The following CDH13 variants were observed in gnomAD, a reference collection of about 807,000 sequenced individuals.
CDH13 encodes the protein cadherin 13, also known as cadherin-13.
Under a neutral mutation model 63.8 loss-of-function variants are expected in CDH13, and 24 were observed. The ratio of observed to expected loss-of-function variants is 0.38; its 90% CI spans 0.27 to 0.53. CDH13 has a LOEUF of 0.53. Among genes scored for constraint, CDH13 ranks in the 20% least tolerant of loss-of-function variants. The pLI is 0.85. For missense variants in CDH13, 1,049 were observed against 903.1 expected, an observed-to-expected ratio of 1.16 and a Z score of -2.07; for synonymous variants, 503 against 355.3, an observed-to-expected ratio of 1.42 and a Z score of -4.67.
Position 82,936,035 on chromosome 16 carries a change from G to A in CDH13, c.157+77562G>A, listed in dbSNP as rs114652614. Among the ~76,000 whole-genome samples, 714 of 152,224 alleles carry A rather than the reference G, an allele frequency of 4.7e-3. 9 individuals are homozygous for A. The highest frequency in any genetic ancestry group is 0.016 in the African/African-American group (682 of 41,528). On this transcript the variant is annotated intron_variant, in intron 2 of 13. Transcript: ENST00000567109. ...TTTACACAGGGCATGGGCAAGGCTG[G>A]TCACCCCACCCTAATCTTATGCAAA...
At position 82,825,555 on chromosome 16, in the gene CDH13, T is replaced by C. The variant is rs564543889; in HGVS notation, c.46-32807T>C. 50 of 150,192 alleles carry C rather than the reference T, an allele frequency of 3.3e-4. No homozygotes were observed. In the East Asian group the frequency reaches 9.8e-3, roughly 30 times the overall value. 9.3% of individuals were successfully genotyped at this position (150,192 alleles called of 1,614,324 possible). A position where few individuals can be genotyped will look rare whatever the true frequency, so the allele number is the denominator to read the frequency against. On this transcript the variant is annotated intron_variant, in intron 1 of 13. Transcript: ENST00000567109. Reference sequence around the variant, plus strand: ...CAATATTAACTTTTTTTTTTTTTTTTTTCCCAAACAGAGTCTCCCTCTGTT... The same window carrying C: ...CAATATTAACTTTTTTTTTTTTTTTCTTCCCAAACAGAGTCTCCCTCTGTT...
At position 83,674,945 on chromosome 16, in the gene CDH13, G is replaced by C. The variant is rs141030492; in HGVS notation, c.1285-3263G>C. On this transcript the variant is annotated intron_variant, in intron 9 of 13. Coordinates refer to ENST00000567109, the MANE Select transcript of CDH13 (RefSeq NM_001257.5). ...CAAACCTTTCACAGGCCTAAACATA[G>C]CTATTCATTCAGTTCTGGATCCTCC... is the stretch of plus-strand genomic sequence containing the variant. 1.8e-3 allele frequency among the ~76,000 whole-genome samples: 273 copies of C among 152,254 alleles called. 1 individual carries two copies. The highest frequency in any genetic ancestry group is 3.1e-3 in the Non-Finnish European group (209 of 68,026).
intron 6 of CDH13, among the ~76,000 whole-genome samples, chr16:83,450,264 C>G (rs1418937973): frequency 1.3e-5 from 2 of 152,202 alleles, no homozygotes; most frequent in African/African-American, 4.8e-5. Flanking sequence ...GCTGCTTAGG[C>G]TCTGCCCCTC....
At chr16:83,606,120 G>C (rs944194157) in intron 8 of CDH13, among the ~76,000 whole-genome samples, 1 of 152,190 alleles carries the variant, frequency 6.6e-6, no homozygotes, top group African/African-American at 2.4e-5. Context: ...AAATTTTAGA[G>C]ATGAAAATCA....
At chr16:82,776,519 C>T (rs1281237460) in intron 1 of CDH13, among the ~76,000 whole-genome samples, 1 of 152,170 alleles carries the variant, frequency 6.6e-6, no homozygotes, top group East Asian at 1.9e-4. Flanking sequence ...GACATACCGG[C>T]AAGTATTATA....
chr16:83,331,272 C>T (rs541063950), intron 5 of CDH13, among the ~76,000 whole-genome samples: 1 of 152,244 alleles, frequency 6.6e-6, no homozygotes, highest in South Asian at 2.1e-4. Context: ...AGCGATGGCT[C>T]CAAAAATAAA....
chr16:82,734,976 C>G (rs924492857), intron 1 of CDH13, among the ~76,000 whole-genome samples: 5 of 152,102 alleles, frequency 3.3e-5, no homozygotes, highest in Non-Finnish European at 5.9e-5. Context: ...GGAGTAACAG[C>G]TAAAGCAAGA....
chr16:83,604,427 G>T (rs938177638), intron 8 of CDH13, among the ~76,000 whole-genome samples: 2 of 152,144 alleles, frequency 1.3e-5, no homozygotes. Flanking sequence ...CCACCGGGGT[G>T]GGGATAGGAA....
Position 83,312,000 on chromosome 16 carries a change from G to A in CDH13, c.637-32862G>A, listed in dbSNP as rs532075652. Among the ~76,000 whole-genome samples, 6 of 149,410 alleles carry A rather than the reference G, an allele frequency of 4.0e-5. No homozygotes were observed. The East Asian group carries it at 1.2e-3, about 29-fold the overall frequency. Reference sequence around the variant, plus strand: ...CGGCAGGAGAATCACTTGAACCCGGGAGGCGGAAGTTGCAGTGAGCTGAGA... The same window carrying A: ...CGGCAGGAGAATCACTTGAACCCGGAAGGCGGAAGTTGCAGTGAGCTGAGA... On this transcript the variant is annotated intron_variant, in intron 5 of 13. Coordinates refer to ENST00000567109, the MANE Select transcript of CDH13 (RefSeq NM_001257.5).
chr16:82,951,595 C>G lies in CDH13; in HGVS notation c.158-80415C>G, dbSNP rs570364540. On this transcript the variant is annotated intron_variant, in intron 2 of 13. Coordinates refer to ENST00000567109, the MANE Select transcript of CDH13 (RefSeq NM_001257.5). ...CAATGAGTCCTATTTTGTTGAGATG[C>G]CCAAGCAGGAGTTTCCTTACTGCCA... Among the ~76,000 whole-genome samples, 27 of 152,268 alleles carry G rather than the reference C, an allele frequency of 1.8e-4. 1 individual carries two copies. Among genetic ancestry groups the G allele is most frequent in the Admixed American group, 7.2e-4 (11 of 15,300 alleles).
intron 2 of CDH13, among the ~76,000 whole-genome samples, chr16:83,022,775 C>G (rs970762308): frequency 1.3e-5 from 2 of 152,202 alleles, no homozygotes; most frequent in Non-Finnish European, 2.9e-5. Flanking sequence ...GACACATTTG[C>G]AAAGCCTCTA....
intron 1 of CDH13, among the ~76,000 whole-genome samples, chr16:82,840,758 A>G (rs1215243329): frequency 1.3e-5 from 2 of 151,948 alleles, no homozygotes; most frequent in Admixed American, 1.3e-4. Context: ...TCTAGATGAC[A>G]GTAAATATGG....
At chr16:83,599,366 G>A (rs1484918346) in intron 7 of CDH13, among the ~76,000 whole-genome samples, 1 of 152,208 alleles carries the variant, frequency 6.6e-6, no homozygotes, top group East Asian at 1.9e-4. Context: ...GAGATCAAAA[G>A]CTAAACATTC....
chr16:82,751,350 AT>A (rs2034406935), intron 1 of CDH13, among the ~76,000 whole-genome samples: 1 of 152,184 alleles, frequency 6.6e-6, no homozygotes, highest in Non-Finnish European at 1.5e-5. Context: ...CAAAGGAACA[AT>A]GGAGCATGAG....
At chr16:83,734,352 A>G (rs1416317824) in intron 10 of CDH13, among the ~76,000 whole-genome samples, 8 of 152,200 alleles carry the variant, frequency 5.3e-5, no homozygotes, top group African/African-American at 1.9e-4. Flanking sequence ...GCTGCAGCCA[A>G]GGAAATGGGA....
intron 11 of CDH13, among the ~76,000 whole-genome samples, chr16:83,749,067 G>T (rs145718573): frequency 6.6e-6 from 1 of 152,206 alleles, no homozygotes; most frequent in African/African-American, 2.4e-5. Flanking sequence ...GGGGATTCCA[G>T]TTGGTTTGGG....
chr16:83,484,779 T>G (rs2073849216), intron 6 of CDH13, among the ~76,000 whole-genome samples: 1 of 152,200 alleles, frequency 6.6e-6, no homozygotes, highest in South Asian at 2.1e-4. Context: ...TGGCATGTTC[T>G]GTGTGTAAGC....
At chr16:83,033,185 C>G (rs989257910) in intron 3 of CDH13, among the ~76,000 whole-genome samples, 1 of 152,128 alleles carries the variant, frequency 6.6e-6, no homozygotes, top group Non-Finnish European at 1.5e-5. Flanking sequence ...TCAAAGCTAA[C>G]CTGCCCAACC....
intron 2 of CDH13, among the ~76,000 whole-genome samples, chr16:82,873,710 G>T (rs1334485252): frequency 1.3e-5 from 2 of 152,144 alleles, no homozygotes; most frequent in Non-Finnish European, 2.9e-5. Context: ...AAGTTGGTTG[G>T]TTTTATCCTT....
Sources: gnomAD v4.1 joint callset for allele counts (sites outside exome capture counted in the v4.1 genomes callset) on GRCh38, gnomAD v4.1.1 for gene constraint, MANE v1.5 for transcripts, NCBI Gene and HGNC (gene_info 2026-07-23, HGNC 2026-07-21) for gene names.